The following RPS6KC1 variants were observed in gnomAD, a reference collection of about 807,000 sequenced individuals.
The protein encoded by RPS6KC1 is ribosomal protein S6 kinase C1.
RPS6KC1 carries 54 observed loss-of-function variants against 103.8 expected under a neutral mutation model. The observed-to-expected ratio is 0.52, with a 90% CI of 0.42 to 0.65. RPS6KC1 has a LOEUF of 0.65. Among genes scored for constraint, RPS6KC1 ranks in the 30% least tolerant of loss-of-function variants. RPS6KC1 has a pLI of 0.00. For missense variants in RPS6KC1, 1,151 were observed against 1,253.8 expected, an observed-to-expected ratio of 0.92 and a Z score of 1.24; for synonymous variants, 439 against 438.7, an observed-to-expected ratio of 1.00 and a Z score of -0.01.
At chr1:213,733,926 A>G in the RPS6KC1 span, among the ~76,000 whole-genome samples, 1 of 152,232 alleles carries the variant, frequency 6.6e-6, no homozygotes, top group Admixed American at 6.5e-5. Context: ...TCTGCAAATA[A>G]GTCAAGGCTC....
At chr1:213,252,041 C>CA (rs2094555209) in intron 12 of RPS6KC1, among the ~76,000 whole-genome samples, 1 of 152,218 alleles carries the variant, frequency 6.6e-6, no homozygotes, top group African/African-American at 2.4e-5. Context: ...TCCCCCTTCC[C>CA]ACAGTTTAGT....
chr1:213,691,435 A>G, the RPS6KC1 span, among the ~76,000 whole-genome samples: 1 of 152,166 alleles, frequency 6.6e-6, no homozygotes, highest in Admixed American at 6.5e-5. Context: ...GGGACTCCTT[A>G]GTGGGTTGGT....
the RPS6KC1 span, among the ~76,000 whole-genome samples, chr1:213,471,854 G>A: frequency 1.3e-5 from 2 of 151,954 alleles, no homozygotes; most frequent in African/African-American, 2.4e-5. Context: ...TATGGAGATG[G>A]TGAGGACAGG....
At chr1:213,244,602 C>A (rs1478261645) in intron 12 of RPS6KC1, among the ~76,000 whole-genome samples, 1 of 152,126 alleles carries the variant, frequency 6.6e-6, no homozygotes, top group African/African-American at 2.4e-5. Flanking sequence ...ATATCCATAA[C>A]ATGTTGGTAT....
chr1:213,174,499 G>A (rs1024703014), intron 7 of RPS6KC1, among the ~76,000 whole-genome samples: 7 of 151,986 alleles, frequency 4.6e-5, no homozygotes, highest in African/African-American at 9.6e-5. Flanking sequence ...ATGAAACTCC[G>A]TCTCTACTAA....
chr1:213,552,908 C>T, the RPS6KC1 span, among the ~76,000 whole-genome samples: 3 of 152,186 alleles, frequency 2.0e-5, no homozygotes, highest in African/African-American at 4.8e-5. Flanking sequence ...CACTACTGAT[C>T]CACTGAGGTT....
the RPS6KC1 span, among the ~76,000 whole-genome samples, chr1:213,623,240 T>C: frequency 4.6e-5 from 7 of 152,170 alleles, no homozygotes; most frequent in Non-Finnish European, 8.8e-5. Flanking sequence ...TTCAGACACA[T>C]CAATCAGTCT....
At chr1:213,339,054 A>G in the RPS6KC1 span, among the ~76,000 whole-genome samples, 2 of 152,136 alleles carry the variant, frequency 1.3e-5, no homozygotes, top group African/African-American at 4.8e-5. Context: ...ACCTGAGGTC[A>G]GGAGTTCGAG....
the RPS6KC1 span, among the ~76,000 whole-genome samples, chr1:213,771,699 A>G: frequency 7.2e-5 from 11 of 152,266 alleles, no homozygotes; most frequent in Non-Finnish European, 1.0e-4. Flanking sequence ...ACTTATAACC[A>G]CAAAAGCAAA....
At chr1:213,090,878 AAAG>A (rs1279990709) in intron 3 of RPS6KC1, among the ~76,000 whole-genome samples, 1 of 152,248 alleles carries the variant, frequency 6.6e-6, no homozygotes, top group Non-Finnish European at 1.5e-5. Flanking sequence ...CCAAAGCAAA[AAAG>A]AAATAGCAAG....
At chr1:213,718,728 T>A in the RPS6KC1 span, among the ~76,000 whole-genome samples, 15 of 152,348 alleles carry the variant, frequency 9.8e-5, 1 homozygote, top group South Asian at 2.9e-3. Context: ...GAACGGCTTG[T>A]TCTCATCCAG....
the RPS6KC1 span, among the ~76,000 whole-genome samples, chr1:213,757,346 A>C: frequency 6.6e-6 from 1 of 152,244 alleles, no homozygotes; most frequent in South Asian, 2.1e-4. Context: ...TCCAGTGAAC[A>C]CAGGGATGAT....
the RPS6KC1 span, among the ~76,000 whole-genome samples, chr1:213,756,825 G>C: frequency 1.3e-5 from 2 of 151,820 alleles, no homozygotes; most frequent in Non-Finnish European, 2.9e-5. Flanking sequence ...GCCCAGGCTG[G>C]TCTCGAACTC....
the RPS6KC1 span, among the ~76,000 whole-genome samples, chr1:213,690,057 C>A: frequency 1.3e-5 from 2 of 152,184 alleles, no homozygotes; most frequent in Non-Finnish European, 2.9e-5. Flanking sequence ...GCATAGCCCA[C>A]CACACACAAG....
intron 8 of RPS6KC1, among the ~76,000 whole-genome samples, chr1:213,229,692 G>A (rs1445245917): frequency 6.6e-6 from 1 of 152,046 alleles, no homozygotes; most frequent in Non-Finnish European, 1.5e-5. Context: ...ATGAGGGGTG[G>A]GAATGAGTAG....
At chr1:213,422,840 T>A in the RPS6KC1 span, among the ~76,000 whole-genome samples, 1 of 152,252 alleles carries the variant, frequency 6.6e-6, no homozygotes, top group Admixed American at 6.5e-5. Flanking sequence ...ATCTGCCTAA[T>A]GCTTCCCTCA....
chr1:213,338,270 A>G, the RPS6KC1 span, among the ~76,000 whole-genome samples: 1 of 152,278 alleles, frequency 6.6e-6, no homozygotes, highest in African/African-American at 2.4e-5. Context: ...TTATCTCACT[A>G]CACCACGGGG....
intron 6 of RPS6KC1, among the ~76,000 whole-genome samples, chr1:213,150,603 C>T (rs2088596750): frequency 6.6e-6 from 1 of 151,476 alleles, no homozygotes; most frequent in African/African-American, 2.4e-5. Context: ...GGACACAGCA[C>T]ATGTTTCAGA....
intron 6 of RPS6KC1, among the ~76,000 whole-genome samples, chr1:213,144,901 C>A (rs1301987472): frequency 6.6e-6 from 1 of 151,914 alleles, no homozygotes; most frequent in Non-Finnish European, 1.5e-5. Flanking sequence ...ATGGTGAAAA[C>A]CCATCTCTAC....
Sources: allele counts gnomAD v4.1 joint callset (sites outside exome capture counted in the v4.1 genomes callset), GRCh38; gene constraint gnomAD v4.1.1; transcripts MANE v1.5; gene names NCBI Gene and HGNC (gene_info 2026-07-23, HGNC 2026-07-21).